AHCYL2: variants seen among roughly 807,000 people sequenced by gnomAD.
AHCYL2 encodes S-adenosylhomocysteine hydrolase-like protein 2.
A neutral mutation model predicts 81.4 loss-of-function variants in AHCYL2; 28 were observed. The observed-to-expected ratio is 0.34, with a 90% CI of 0.25 to 0.47. The LOEUF (loss-of-function observed/expected upper bound fraction) is 0.47, where lower values mean the gene tolerates loss of function less well. AHCYL2 is among the 20% of genes least tolerant of loss of function. The pLI is 1.00. For missense variants in AHCYL2, 551 were observed against 785.1 expected (o/e 0.70, Z 3.56); for synonymous variants, 272 against 290.2 (o/e 0.94, Z 0.64).
intron 1 of AHCYL2, among the ~76,000 whole-genome samples, chr7:129,276,736 C>CAAAAAA (rs374792572): frequency 8.0e-6 from 1 of 125,014 alleles, no homozygotes; most frequent in East Asian, 2.3e-4. Context: ...GCAACTGTCT[C>CAAAAAA]AAAAAAAAAA....
At chr7:129,322,820 G>A (rs2150791333) in intron 1 of AHCYL2, among the ~76,000 whole-genome samples, 1 of 152,162 alleles carries the variant, frequency 6.6e-6, no homozygotes, top group African/African-American at 2.4e-5. Flanking sequence ...AAACTCCTGA[G>A]CTTGAGCTCA....
intron 1 of AHCYL2, among the ~76,000 whole-genome samples, chr7:129,283,215 A>C (rs1425462207): frequency 2.6e-5 from 4 of 152,170 alleles, no homozygotes; most frequent in Non-Finnish European, 5.9e-5. Flanking sequence ...TCTTCAACGA[A>C]GATAGCCCTG....
intron 10 of AHCYL2, among the ~76,000 whole-genome samples, chr7:129,408,555 C>G (rs1279025777): frequency 6.6e-6 from 1 of 152,140 alleles, no homozygotes; most frequent in Non-Finnish European, 1.5e-5. Flanking sequence ...AGTTTATTTT[C>G]AAACACAGTA....
intron 1 of AHCYL2, among the ~76,000 whole-genome samples, chr7:129,257,209 G>A (rs1795461138): frequency 6.6e-6 from 1 of 152,200 alleles, no homozygotes; most frequent in Non-Finnish European, 1.5e-5. Flanking sequence ...ATGCAGAAGT[G>A]TTTTGTGTAA....
At chr7:129,420,217 CA>C (rs1797049612) in intron 12 of AHCYL2, among the ~76,000 whole-genome samples, 1 of 152,114 alleles carries the variant, frequency 6.6e-6, no homozygotes, top group Admixed American at 6.5e-5. Context: ...CCTTTCTTCC[CA>C]AGGAATACTT....
intron 1 of AHCYL2, among the ~76,000 whole-genome samples, chr7:129,260,965 T>C (rs1463366055): frequency 6.6e-6 from 1 of 152,162 alleles, no homozygotes; most frequent in African/African-American, 2.4e-5. Flanking sequence ...ATTTTTTGTA[T>C]CTTTAGTAGA....
At chr7:129,358,153 G>T (rs1377749493) in intron 1 of AHCYL2, among the ~76,000 whole-genome samples, 1 of 151,878 alleles carries the variant, frequency 6.6e-6, no homozygotes, top group East Asian at 2.0e-4. Flanking sequence ...CAGCACTTTG[G>T]GAGGCCGAGG....
At chr7:129,350,021 A>G (rs1793501249) in intron 1 of AHCYL2, among the ~76,000 whole-genome samples, 1 of 152,234 alleles carries the variant, frequency 6.6e-6, no homozygotes, top group African/African-American at 2.4e-5. Context: ...GTACAACTCA[A>G]TTACTCAGAA....
chr7:129,297,935 G>A (rs1034262931), intron 1 of AHCYL2, among the ~76,000 whole-genome samples: 1 of 152,186 alleles, frequency 6.6e-6, no homozygotes, highest in Non-Finnish European at 1.5e-5. Context: ...AGTCTTAGGT[G>A]GGAGGATTGC....
chr7:129,227,116 C>G (rs1417371947), intron 1 of AHCYL2, among the ~76,000 whole-genome samples: 2 of 152,102 alleles, frequency 1.3e-5, no homozygotes, highest in African/African-American at 2.4e-5. Context: ...AATCAGTTTC[C>G]TCTTCTATAA....
rs184244640 is a variant in AHCYL2, at chr7:129,324,834, C to T, written c.364-54804C>T. Among the ~76,000 whole-genome samples, 350 of 152,288 alleles carry T rather than the reference C, an allele frequency of 2.3e-3. 2 individuals carry two copies. Among genetic ancestry groups the T allele is most frequent in the African/African-American group, 8.2e-3 (341 of 41,570 alleles). ...CCGGCCTGGCTTATTACTTCTAACT[C>T]TGTTTCCTTTTTTGTAATTGTTTTA... On this transcript the variant is annotated intron_variant, in intron 1 of 16. Transcript: ENST00000325006.
At chr7:129,233,559 C>T (rs1359080912) in intron 1 of AHCYL2, among the ~76,000 whole-genome samples, 1 of 152,194 alleles carries the variant, frequency 6.6e-6, no homozygotes, top group Non-Finnish European at 1.5e-5. Context: ...GCGATCTCCG[C>T]TCACTGCAAC....
At chr7:129,254,358 T>C (rs1795339600) in intron 1 of AHCYL2, among the ~76,000 whole-genome samples, 1 of 152,230 alleles carries the variant, frequency 6.6e-6, no homozygotes, top group Non-Finnish European at 1.5e-5. Flanking sequence ...TTTACCTTTG[T>C]GTAACTGCTT....
intron 1 of AHCYL2, among the ~76,000 whole-genome samples, chr7:129,239,475 G>GGCTGGAGTGCAGTGGT (rs1333470932): frequency 1.3e-5 from 2 of 149,322 alleles, no homozygotes; most frequent in African/African-American, 2.5e-5. Context: ...TTGATACCCA[G>GGCTGGAGTGCAGTGGT]GCTGGAGTGC....
chr7:129,428,004 G>A lies in AHCYL2; in HGVS notation c.*959G>A, dbSNP rs71579852. 3,665 of 152,298 alleles carry A rather than the reference G, an allele frequency of 0.024. 73 individuals are homozygous for A. The highest frequency in any genetic ancestry group is 0.056 in the Admixed American group (861 of 15,284). The allele number at this position is 152,298 out of a possible 1,614,324, so 9.4% of individuals were successfully genotyped here. On this transcript the variant is annotated 3_prime_UTR_variant, in exon 17 of 17. Coordinates refer to ENST00000325006, the MANE Select transcript of AHCYL2 (RefSeq NM_015328.4). ...GGCATACTTTTCCAGGGACTTAGGG[G>A]GATAGGCTTTGGAAATGGGACAGGT...
At position 129,301,464 on chromosome 7, in the gene AHCYL2, A is replaced by G. The variant is rs188985370; in HGVS notation, c.363+76025A>G. Among the ~76,000 whole-genome samples, 29 of 152,260 alleles carry G rather than the reference A, an allele frequency of 1.9e-4. No individual in the cohort carries two copies. The South Asian group carries it at 2.1e-3, about 11-fold the overall frequency. ...TCCAATGTCCTGGAGAGTTTCCCCA[A>G]TGTTTTCTTTTGGTAGTTGCATAGT... On this transcript the variant is annotated intron_variant, in intron 1 of 16. Transcript: ENST00000325006.
rs137920693 is a variant in AHCYL2, at chr7:129,319,953, T to C, written c.364-59685T>C. On this transcript the variant is annotated intron_variant, in intron 1 of 16. Transcript: ENST00000325006. ...AAAGGAGTGTAATAGCTGGGTCTTA[T>C]GGCAGATTTATGTTTAGCTTTTATT... Among the ~76,000 whole-genome samples, 804 of 152,322 alleles carry C rather than the reference T, an allele frequency of 5.3e-3. 4 individuals are homozygous for C. The highest frequency in any genetic ancestry group is 0.017 in the Middle Eastern group (5 of 294).
chr7:129,415,686 C>T (rs75111052), intron 12 of AHCYL2, among the ~76,000 whole-genome samples: 4 of 151,304 alleles, frequency 2.6e-5, no homozygotes, highest in Admixed American at 1.3e-4. Context: ...TGTGGTGGCT[C>T]ACACCTGTAA....
chr7:129,295,699 C>G (rs1269588604), intron 1 of AHCYL2, among the ~76,000 whole-genome samples: 2 of 152,166 alleles, frequency 1.3e-5, no homozygotes, highest in African/African-American at 4.8e-5. Flanking sequence ...TATTGTCTTA[C>G]AGTGAAGGCC....
Sources: allele counts gnomAD v4.1 joint callset (sites outside exome capture counted in the v4.1 genomes callset), GRCh38; gene constraint gnomAD v4.1.1; transcripts MANE v1.5; gene names NCBI Gene and HGNC (gene_info 2026-07-23, HGNC 2026-07-21).